GPM6A: variants seen among roughly 807,000 people sequenced by gnomAD.
The protein encoded by GPM6A is glycoprotein M6A.
In GPM6A, 7 loss-of-function variants were observed where a neutral mutation model predicts 32.1. The ratio of observed to expected loss-of-function variants is 0.22; its 90% CI spans 0.12 to 0.41. The LOEUF is 0.41. GPM6A is among the 10% of genes least tolerant of loss of function. The probability of loss-of-function intolerance (pLI) is 1.00; values close to 1 mark genes in which losing one functional copy is unlikely to be tolerated. For synonymous variants in GPM6A, 130 were observed against 123.4 expected, an observed-to-expected ratio of 1.05 and a Z score of -0.35; for missense variants, 235 against 347.2, an observed-to-expected ratio of 0.68 and a Z score of 2.57.
chr4:175,769,246 A>G (rs982259188), intron 1 of GPM6A, among the ~76,000 whole-genome samples: 3 of 152,226 alleles, frequency 2.0e-5, no homozygotes, highest in African/African-American at 7.2e-5. Flanking sequence ...TGACTTTTCA[A>G]TGAAAGATTT....
chr4:175,946,067 A>G (rs1431940804), intron 1 of GPM6A, among the ~76,000 whole-genome samples: 1 of 152,204 alleles, frequency 6.6e-6, no homozygotes, highest in African/African-American at 2.4e-5. Flanking sequence ...TTAGAAGCCC[A>G]GACTTCACCA....
intron 1 of GPM6A, among the ~76,000 whole-genome samples, chr4:175,892,311 T>C (rs938056027): frequency 5.3e-5 from 8 of 152,292 alleles, no homozygotes; most frequent in African/African-American, 1.9e-4. Context: ...AGAAAAACAA[T>C]CTGCTACTTA....
chr4:175,942,664 G>A (rs1739450568), intron 1 of GPM6A, among the ~76,000 whole-genome samples: 1 of 152,082 alleles, frequency 6.6e-6, no homozygotes, highest in South Asian at 2.1e-4. Flanking sequence ...TTTTTGTCAG[G>A]TTTTTCAAAG....
chr4:175,790,484 T>A (rs979925570), intron 1 of GPM6A: 10 of 152,328 alleles, frequency 6.6e-5, no homozygotes, highest in Middle Eastern at 3.4e-3. Context: ...ATTCTTTTTA[T>A]CCTCTGCCTT....
chr4:175,854,374 A>G (rs1736354070), intron 1 of GPM6A, among the ~76,000 whole-genome samples: 1 of 152,224 alleles, frequency 6.6e-6, no homozygotes, highest in South Asian at 2.1e-4. Context: ...AAGCTTAGAA[A>G]GGTGAAAATC....
intron 1 of GPM6A, among the ~76,000 whole-genome samples, chr4:175,776,941 G>A (rs1379772211): frequency 6.6e-6 from 1 of 152,140 alleles, no homozygotes; most frequent in Non-Finnish European, 1.5e-5. Flanking sequence ...AGCAAGCCCT[G>A]TATAAAGAAA....
chr4:175,853,232 C>T (rs1034769048), intron 1 of GPM6A, among the ~76,000 whole-genome samples: 1 of 151,980 alleles, frequency 6.6e-6, no homozygotes, highest in Non-Finnish European at 1.5e-5. Flanking sequence ...ATAACTAATA[C>T]ATATTTAGAG....
At chr4:175,635,319 T>C (rs993276855) in intron 6 of GPM6A, among the ~76,000 whole-genome samples, 9 of 152,138 alleles carry the variant, frequency 5.9e-5, no homozygotes, top group Non-Finnish European at 1.2e-4. Context: ...AACTAATTCT[T>C]AGTCTTTATA....
chr4:175,651,267 A>G (rs1026286425), intron 4 of GPM6A, among the ~76,000 whole-genome samples: 8 of 152,232 alleles, frequency 5.3e-5, no homozygotes, highest in Non-Finnish European at 1.0e-4. Flanking sequence ...AATAGGGTCT[A>G]TATGTGGTAA....
chr4:175,721,340 G>A (rs1284620000), intron 1 of GPM6A, among the ~76,000 whole-genome samples: 1 of 151,514 alleles, frequency 6.6e-6, no homozygotes, highest in Non-Finnish European at 1.5e-5. Context: ...GCCGAGTGTG[G>A]TGGTGCATGC....
chr4:175,938,143 GAAAT>G (rs949372090), intron 1 of GPM6A, among the ~76,000 whole-genome samples: 49 of 152,178 alleles, frequency 3.2e-4, no homozygotes, highest in African/African-American at 1.2e-3. Flanking sequence ...ATAAAGAAAA[GAAAT>G]AAGTTCTAAT....
chr4:175,668,595 T>C (rs1018572102), intron 3 of GPM6A, among the ~76,000 whole-genome samples: 2 of 148,676 alleles, frequency 1.3e-5, no homozygotes, highest in East Asian at 4.1e-4. Flanking sequence ...AGAGTTTCTT[T>C]ACAATACTTA....
At chr4:175,769,842 G>A (rs189854114) in intron 1 of GPM6A, among the ~76,000 whole-genome samples, 2 of 152,246 alleles carry the variant, frequency 1.3e-5, no homozygotes, top group Admixed American at 6.5e-5. Flanking sequence ...ATGGAATAAA[G>A]TTAAGACTAA....
chr4:175,923,946 T>G (rs1441151005), intron 1 of GPM6A, among the ~76,000 whole-genome samples: 1 of 152,190 alleles, frequency 6.6e-6, no homozygotes, highest in Non-Finnish European at 1.5e-5. Flanking sequence ...GTAAAAATGG[T>G]CATCATTCCT....
chr4:175,834,733 G>T (rs986734661), intron 1 of GPM6A, among the ~76,000 whole-genome samples: 1 of 152,112 alleles, frequency 6.6e-6, no homozygotes. Flanking sequence ...AATCTTCCAA[G>T]TATTATTACC....
At chr4:175,956,584 C>T (rs1739993711) in intron 1 of GPM6A, among the ~76,000 whole-genome samples, 1 of 152,030 alleles carries the variant, frequency 6.6e-6, no homozygotes, top group African/African-American at 2.4e-5. Context: ...TTTTGAAGTA[C>T]TTAGTTGAAG....
At chr4:175,776,861 G>A (rs372187312) in intron 1 of GPM6A, among the ~76,000 whole-genome samples, 3 of 152,112 alleles carry the variant, frequency 2.0e-5, no homozygotes, top group African/African-American at 7.2e-5. Flanking sequence ...TTGAAATGAC[G>A]AAACCAATAG....
intron 1 of GPM6A, among the ~76,000 whole-genome samples, chr4:175,827,543 T>C (rs921307090): frequency 6.6e-6 from 1 of 152,222 alleles, no homozygotes; most frequent in African/African-American, 2.4e-5. Flanking sequence ...ATCATAACAC[T>C]GCTTCTATGA....
At chr4:175,798,012 T>C (rs948043762) in intron 1 of GPM6A, among the ~76,000 whole-genome samples, 5 of 152,128 alleles carry the variant, frequency 3.3e-5, no homozygotes, top group African/African-American at 1.2e-4. Context: ...CCCCACTCCA[T>C]ACTCACCGAA....
Sources: allele counts gnomAD v4.1 joint callset (sites outside exome capture counted in the v4.1 genomes callset), GRCh38; gene constraint gnomAD v4.1.1; transcripts MANE v1.5; gene names NCBI Gene and HGNC (gene_info 2026-07-23, HGNC 2026-07-21).